INSL6: variants seen among roughly 807,000 people sequenced by gnomAD.
INSL6 encodes the protein insulin like 6, also known as insulin-like peptide INSL6.
INSL6 carries 16 observed loss-of-function variants against 9.4 expected under a neutral mutation model. The observed-to-expected ratio is 1.70, with a 90% CI of 1.15 to 2.59. The LOEUF (loss-of-function observed/expected upper bound fraction) is 2.59. Among genes scored for constraint, INSL6 ranks in the 30% most tolerant of loss-of-function variants. The probability of loss-of-function intolerance (pLI) is 0.00; values close to 1 mark genes in which losing one functional copy is unlikely to be tolerated. For missense variants in INSL6, 391 were observed against 257.3 expected, an observed-to-expected ratio of 1.52 and a Z score of -3.56; for synonymous variants, 154 against 96.9, an observed-to-expected ratio of 1.59 and a Z score of -3.46.
chr9:5,137,470 T>C (rs1404527513), intron 2 of INSL6, among the ~76,000 whole-genome samples: 1 of 151,740 alleles, frequency 6.6e-6, no homozygotes, highest in Non-Finnish European at 1.5e-5. Context: ...ACACCACACA[T>C]CTACAACCAC....
the INSL6 span, among the ~76,000 whole-genome samples, chr9:5,017,534 G>A: frequency 6.6e-6 from 1 of 151,804 alleles, no homozygotes; most frequent in Admixed American, 6.6e-5. Context: ...TTAGCTTTGG[G>A]CTTTGTTCTT....
At chr9:5,007,223 C>T in the INSL6 span, among the ~76,000 whole-genome samples, 16 of 152,052 alleles carry the variant, frequency 1.1e-4, no homozygotes, top group Middle Eastern at 6.4e-3. Context: ...CCTTTCTTCT[C>T]GTCTTGTGTA....
At chr9:5,150,273 T>C (rs1370647636) in intron 2 of INSL6, among the ~76,000 whole-genome samples, 3 of 152,138 alleles carry the variant, frequency 2.0e-5, no homozygotes, top group African/African-American at 7.2e-5. Context: ...CTAGAAAGCC[T>C]CTGCACAGCA....
intron 3 of INSL6, among the ~76,000 whole-genome samples, chr9:5,129,544 T>C (rs1233000495): frequency 6.6e-6 from 1 of 152,140 alleles, no homozygotes; most frequent in Admixed American, 6.5e-5. Flanking sequence ...AAGAATCAGT[T>C]TGCTGTATAT....
the INSL6 span, among the ~76,000 whole-genome samples, chr9:4,995,043 A>G: frequency 6.6e-6 from 1 of 152,214 alleles, no homozygotes; most frequent in Non-Finnish European, 1.5e-5. Context: ...TGCCAAATTG[A>G]CATAGAAATA....
the INSL6 span, among the ~76,000 whole-genome samples, chr9:5,019,839 CA>C: frequency 9.9e-5 from 15 of 152,150 alleles, no homozygotes; most frequent in African/African-American, 3.6e-4. Flanking sequence ...TCCTCAGTGG[CA>C]TAGTGTGTGG....
At chr9:5,041,236 G>C in the INSL6 span, 1 of 1,465,588 alleles carries the variant, frequency 6.8e-7, no homozygotes, top group African/African-American at 1.4e-5. Flanking sequence ...CGGGGACCAA[G>C]CGGCAGCACG....
the INSL6 span, chr9:5,072,564 C>A: frequency 4.3e-6 from 7 of 1,610,866 alleles, no homozygotes; most frequent in East Asian, 1.1e-4. Flanking sequence ...AGACTACGGT[C>A]AACTGCATGA....
the INSL6 span, among the ~76,000 whole-genome samples, chr9:4,997,114 T>G: frequency 6.6e-6 from 1 of 151,778 alleles, no homozygotes; most frequent in Admixed American, 6.6e-5. Context: ...TTTTTTTTTG[T>G]AGAGATGGGG....
the INSL6 span, among the ~76,000 whole-genome samples, chr9:5,117,764 C>T: frequency 9.2e-5 from 14 of 151,738 alleles, no homozygotes; most frequent in African/African-American, 3.4e-4. Flanking sequence ...TTTTGGCAAC[C>T]TCAGTAATTT....
intron 3 of INSL6, chr9:5,126,872 C>T (rs1824034846): frequency 2.8e-6 from 2 of 705,728 alleles, no homozygotes; most frequent in Admixed American, 2.8e-5. Flanking sequence ...ACTATTATTA[C>T]ATATATCATT....
the INSL6 span, among the ~76,000 whole-genome samples, chr9:5,038,482 C>G: frequency 6.6e-6 from 1 of 152,068 alleles, no homozygotes; most frequent in Non-Finnish European, 1.5e-5. Flanking sequence ...AAGAAAACTA[C>G]AGACCAATGT....
At chr9:5,158,384 C>G (rs1824860378) in intron 2 of INSL6, among the ~76,000 whole-genome samples, 2 of 151,872 alleles carry the variant, frequency 1.3e-5, no homozygotes, top group South Asian at 4.2e-4. Context: ...TAGAGAACAC[C>G]CAAGTGAATT....
the INSL6 span, chr9:5,090,307 A>G: frequency 9.7e-6 from 5 of 518,078 alleles, no homozygotes; most frequent in East Asian, 7.6e-5. Flanking sequence ...CTTAACAACT[A>G]TATCACCTTT....
the INSL6 span, among the ~76,000 whole-genome samples, chr9:5,043,196 G>C: frequency 6.6e-6 from 1 of 152,238 alleles, no homozygotes; most frequent in African/African-American, 2.4e-5. Context: ...CAGCGGGTCA[G>C]CTTGAGGCAG....
intron 3 of INSL6, among the ~76,000 whole-genome samples, chr9:5,129,667 G>A (rs1824216675): frequency 6.6e-6 from 1 of 152,056 alleles, no homozygotes; most frequent in Admixed American, 6.6e-5. Context: ...CAGAAATACT[G>A]TGTGTTTACT....
the INSL6 span, among the ~76,000 whole-genome samples, chr9:5,116,535 T>C: frequency 6.6e-6 from 1 of 152,180 alleles, no homozygotes; most frequent in African/African-American, 2.4e-5. Flanking sequence ...TTTATTGTTT[T>C]CAGAATGAAA....
At position 5,163,993 on chromosome 9, in the gene INSL6, G is replaced by A. The variant is rs180824328; in HGVS notation, c.562C>T (p.Leu188Phe). ...CCLTGCTKEELSIACLPYIDF... is the reference protein window; with the variant it reads ...CCLTGCTKEEFSIACLPYIDF... ...ATATATGGAAGACATGCAATGCTAA[G>A]TTCTTCTTTTGTACATCCTGTAAGA... Residue 188 changes from leucine to phenylalanine, a missense_variant, in exon 2 of 2, where the codon CTT becomes TTT. Leu to Phe is a conservative substitution (Grantham distance 22). Transcript: ENST00000381641. 6.2e-7 allele frequency: 1 copy of A among 1,612,860 alleles called. No individual in the cohort carries two copies. The highest frequency in any genetic ancestry group is 8.5e-7 in the Non-Finnish European group (1 of 1,179,720).
At chr9:5,066,583 G>A in the INSL6 span, 1 of 728,628 alleles carries the variant, frequency 1.4e-6, no homozygotes, top group Non-Finnish European at 2.4e-6. Context: ...AATTCTGACA[G>A]TTTTAGATTT....
Sources: allele counts gnomAD v4.1 joint callset (sites outside exome capture counted in the v4.1 genomes callset), GRCh38; gene constraint gnomAD v4.1.1; transcripts MANE v1.5; gene names NCBI Gene and HGNC (gene_info 2026-07-23, HGNC 2026-07-21).